Variants in RUBCNL observed in about 807,000 individuals in gnomAD.
RUBCNL encodes the protein rubicon like autophagy enhancer.
Under a neutral mutation model 69.5 loss-of-function variants are expected in RUBCNL, and 62 were observed. That is an observed-to-expected ratio of 0.89 (90% CI 0.73 to 1.10). The LOEUF (loss-of-function observed/expected upper bound fraction) is 1.10, where lower values mean the gene tolerates loss of function less well. RUBCNL is among the 50% of genes least tolerant of loss of function. RUBCNL has a pLI of 0.00. For synonymous variants in RUBCNL, 291 were observed against 303.6 expected (o/e 0.96, Z 0.43); for missense variants, 768 against 798.1 (o/e 0.96, Z 0.45).
At chr13:46,377,756 C>T (rs920417450) in intron 2 of RUBCNL, 134 bp downstream of exon 2, 14 of 523,878 alleles carry the variant, frequency 2.7e-5, no homozygotes, top group African/African-American at 2.3e-4. Context: ...AAATAACCAG[C>T]AGGTGCTGCT....
chr13:46,346,369 C>G (rs2048246017), intron 12 of RUBCNL, among the ~76,000 whole-genome samples: 1 of 152,118 alleles, frequency 6.6e-6, no homozygotes, highest in South Asian at 2.1e-4. Flanking sequence ...TCAAGCTCAG[C>G]CTTTTTCTCC....
upstream of RUBCNL, among the ~76,000 whole-genome samples, chr13:46,388,766 G>T (rs955567086): frequency 6.6e-6 from 1 of 152,218 alleles, no homozygotes; most frequent in African/African-American, 2.4e-5. Context: ...TTCCAGGATG[G>T]AGCAGAGGCA....
chr13:46,359,599 A>G lies in RUBCNL; in HGVS notation c.1152T>C (p.Phe384=), dbSNP rs779661441. 1.6e-5 allele frequency: 26 copies of G among 1,592,834 alleles called. No individual in the cohort carries two copies. In the Admixed American group the frequency reaches 4.4e-4, roughly 27 times the overall value. ...VVNEECVRKD[F]ESSMNVVQEI... is the part of the protein sequence containing the mutation. ...CCTGTACTACATTCATACTGGATTC[A>G]AAGTCTTTTCGGACACACTCTTCAT... Residue 384 remains phenylalanine, a synonymous_variant, in exon 9 of 15, where the codon TTT becomes TTC. Transcript: ENST00000429979.
In RUBCNL at chr13:46,372,028, T is replaced by G; in HGVS notation, c.448A>C (p.Ser150Arg). 6.2e-7 allele frequency: 1 copy of G among 1,613,986 alleles called. No individual in the cohort carries two copies. Among genetic ancestry groups the G allele is most frequent in the South Asian group, 1.1e-5 (1 of 91,084 alleles). ...GYSHRVSLPT[S>R]PGILATSPYP... is the part of the protein sequence containing the mutation. ...GGGGAGGTGGCCAAAATCCCAGGGC[T>G]TGTGGGCAGAGACACCCGATGAGAG... Residue 150 changes from serine (S) to arginine (R), a missense_variant, in exon 3 of 15, where the codon AGC becomes CGC. By Grantham distance (110) the Ser-to-Arg change is moderately radical. Transcript: ENST00000429979.
In RUBCNL at chr13:46,340,079, T is replaced by C. The variant is rs1386045222; in HGVS notation, c.*3306A>G. ...GTAGATGCATCACCCCAACCTCTGC[T>C]TTTTTTCTTCCCTGCATCTTCTCTC... is the stretch of plus-strand genomic sequence containing the variant. On this transcript the variant is annotated 3_prime_UTR_variant, in exon 15 of 15. Coordinates refer to ENST00000429979, the MANE Select transcript of RUBCNL (RefSeq NM_025113.5). Among the ~76,000 whole-genome samples the C allele has an allele frequency of 1.3e-5, 2 of 151,952 alleles. No homozygotes were observed. Among genetic ancestry groups the C allele is most frequent in the Non-Finnish European group, 2.9e-5 (2 of 67,988 alleles).
chr13:46,342,367 G>A lies in RUBCNL; in HGVS notation c.*1018C>T, dbSNP rs1206841167. On this transcript the variant is annotated 3_prime_UTR_variant, in exon 15 of 15. Transcript: ENST00000429979. ...TAGGTTGCAAACCGTTCAGTCTAAAGGTATACCATGAAGGGACCCAGCCTC... is the reference window on the plus strand; with the variant it reads ...TAGGTTGCAAACCGTTCAGTCTAAAAGTATACCATGAAGGGACCCAGCCTC... 6.6e-6 allele frequency: 1 copy of A among 152,132 alleles called. No individual in the cohort carries two copies. Among genetic ancestry groups the A allele is most frequent in the African/African-American group, 2.4e-5 (1 of 41,428 alleles). 9.4% of individuals were successfully genotyped at this position (152,132 alleles called of 1,614,324 possible). A position where few individuals can be genotyped will look rare whatever the true frequency, so the allele number is the denominator to read the frequency against.
At chr13:46,350,467 G>A (rs2048347537) in intron 10 of RUBCNL, 116 bp from the exon 11 acceptor site, 3 of 748,478 alleles carry the variant, frequency 4.0e-6, no homozygotes, top group Non-Finnish European at 6.5e-6. Context: ...GTTTCATGAT[G>A]ATAAAGCCAT....
chr13:46,371,853 A>C, intron 3 of RUBCNL, 88 bp downstream of exon 3: 2 of 1,362,844 alleles, frequency 1.5e-6, no homozygotes, highest in South Asian at 2.7e-5. Context: ...GCATTGTCCC[A>C]TGGGGAAGAC....
In RUBCNL at chr13:46,372,415, C is replaced by T. The variant is rs148509794; in HGVS notation, c.61G>A (p.Asp21Asn). ...SPVEPWEGIS[D>N]HSGIIDGSPR... ...GAACCATCAATAATGCCAGAGTGAT[C>T]GCTGATCCCTTCCCAGGGCTCCACA... Residue 21 changes from aspartate (D) to asparagine (N), a missense_variant, in exon 3 of 15, where the codon GAT (aspartate) becomes AAT (asparagine). Asp to Asn is a conservative substitution (Grantham distance 23). Coordinates refer to ENST00000429979, the MANE Select transcript of RUBCNL (RefSeq NM_025113.5). 4.2e-5 allele frequency: 67 copies of T among 1,612,778 alleles called. No homozygotes were observed. The highest frequency in any genetic ancestry group is 5.2e-5 in the Non-Finnish European group (61 of 1,179,420).
chr13:46,359,496 G>C lies in RUBCNL; in HGVS notation c.1255C>G (p.Pro419Ala). Residue 419 changes from proline (P) to alanine (A), a missense_variant, in exon 9 of 15, where the codon CCA (proline) becomes GCA (alanine). Coordinates refer to ENST00000429979, the MANE Select transcript of RUBCNL (RefSeq NM_025113.5). Reference protein sequence around the residue: ...PRFQIIFNIHPPLKRDLVVAA... With the variant: ...PRFQIIFNIHAPLKRDLVVAA... ...ACAGCCCATACTTACTTGAGTGGTG[G>C]ATGAATATTAAATATGATTTGAAAT... The C allele has an allele frequency of 6.2e-7, 1 of 1,603,016 alleles. No homozygotes were observed. Among genetic ancestry groups the C allele is most frequent in the Non-Finnish European group, 8.5e-7 (1 of 1,174,674 alleles).
At position 46,375,087 on chromosome 13, in the gene RUBCNL, C is replaced by G. The variant is rs75506526; in HGVS notation, c.-122-2490G>C. Among the ~76,000 whole-genome samples the G allele has an allele frequency of 2.2e-4, 34 of 152,316 alleles. 2 individuals are homozygous for G. In the East Asian group the frequency reaches 6.5e-3, roughly 29 times the overall value. On this transcript the variant is annotated intron_variant, in intron 2 of 14. Transcript: ENST00000429979. ...TTTAGTTCATTACCGCCATTCTCCCCCTACTCCCACCTAACTGTAAGCTTC... is the reference window on the plus strand; with the variant it reads ...TTTAGTTCATTACCGCCATTCTCCCGCTACTCCCACCTAACTGTAAGCTTC...
At chr13:46,359,711 T>C (rs1747052184) in intron 8 of RUBCNL, 80 bp from the exon 9 acceptor site, 1 of 1,297,684 alleles carries the variant, frequency 7.7e-7, no homozygotes, top group African/African-American at 1.5e-5. Context: ...CTAAATGTAT[T>C]TCCAACATTA....
intron 8 of RUBCNL, among the ~76,000 whole-genome samples, chr13:46,360,611 C>T (rs1404537642): frequency 5.9e-5 from 9 of 152,214 alleles, no homozygotes; most frequent in African/African-American, 2.2e-4. Flanking sequence ...CAATACTTAG[C>T]TCAAGTTCTG....
At chr13:46,362,210 C>G (rs534025772) in intron 7 of RUBCNL, among the ~76,000 whole-genome samples, 1 of 152,274 alleles carries the variant, frequency 6.6e-6, no homozygotes, top group African/African-American at 2.4e-5. Flanking sequence ...GCACTCTACC[C>G]TGGGTGACAA....
chr13:46,371,239 T>C (rs1462068593), intron 3 of RUBCNL, among the ~76,000 whole-genome samples: 1 of 152,232 alleles, frequency 6.6e-6, no homozygotes, highest in Non-Finnish European at 1.5e-5. Flanking sequence ...ATACTAGGGT[T>C]TGAATAGAAA....
At position 46,338,068 on chromosome 13, in the gene RUBCNL, T is replaced by C. The variant is rs1435437125; in HGVS notation, c.*5317A>G. On this transcript the variant is annotated 3_prime_UTR_variant, in exon 15 of 15. Coordinates refer to ENST00000429979, the MANE Select transcript of RUBCNL (RefSeq NM_025113.5). ...GTGTAAGGAGAAGGGAGCATGTGTG[T>C]GCACGTGCAGTACGCTGAAGAATGG... 1.3e-5 allele frequency among the ~76,000 whole-genome samples: 2 copies of C among 152,174 alleles called. No individual in the cohort carries two copies. The highest frequency in any genetic ancestry group is 4.8e-5 in the African/African-American group (2 of 41,444).
At position 46,339,505 on chromosome 13, in the gene RUBCNL, C is replaced by T. The variant is rs772406802; in HGVS notation, c.*3880G>A. Among the ~76,000 whole-genome samples the T allele has an allele frequency of 6.6e-6, 1 of 152,138 alleles. No homozygotes were observed. The highest frequency in any genetic ancestry group is 1.5e-5 in the Non-Finnish European group (1 of 68,034). The stretch of plus-strand genomic sequence containing the variant: ...AAACCCCTTCCTGACATGTCTACCA[C>T]GTTCCTTCCAGCAGGTTTGAATTCC... On this transcript the variant is annotated 3_prime_UTR_variant, in exon 15 of 15. Coordinates refer to ENST00000429979, the MANE Select transcript of RUBCNL (RefSeq NM_025113.5).
intron 12 of RUBCNL, among the ~76,000 whole-genome samples, chr13:46,346,167 C>A (rs1426282124): frequency 6.6e-6 from 1 of 152,194 alleles, no homozygotes; most frequent in African/African-American, 2.4e-5. Context: ...CGGCAGGTGT[C>A]GACCTGAATT....
chr13:46,361,446 A>G lies in RUBCNL; in HGVS notation c.1114T>C (p.Ser372Pro). The G allele has an allele frequency of 6.2e-7, 1 of 1,613,506 alleles. No individual in the cohort carries two copies. Among genetic ancestry groups the G allele is most frequent in the East Asian group, 2.2e-5 (1 of 44,888 alleles). Residue 372 changes from serine (S) to proline (P), a missense_variant, in exon 8 of 15, where the codon TCG becomes CCG. Physicochemically the swap from Ser to Pro is moderately conservative, Grantham distance 74. Coordinates refer to ENST00000429979, the MANE Select transcript of RUBCNL (RefSeq NM_025113.5). ...QLAGSLSAAG[S>P]IVVNEECVRK... Reference sequence around the variant, plus strand: ...CAATTTTTTTTGATACTTACTATCGAGCCAGCTGCACTCAGGGAACCTGCC... The same window carrying G: ...CAATTTTTTTTGATACTTACTATCGGGCCAGCTGCACTCAGGGAACCTGCC...
Sources: allele counts gnomAD v4.1 joint callset (sites outside exome capture counted in the v4.1 genomes callset), GRCh38; gene constraint gnomAD v4.1.1; transcripts MANE v1.5; gene names NCBI Gene and HGNC (gene_info 2026-07-23, HGNC 2026-07-21).